The following NRG2 variants were observed in gnomAD, a reference collection of about 807,000 sequenced individuals.
The protein encoded by NRG2 is neuregulin 2.
In NRG2, 27 loss-of-function variants were observed where a neutral mutation model predicts 73.9. The ratio of observed to expected loss-of-function variants is 0.37; its 90% confidence interval spans 0.27 to 0.50. The LOEUF (loss-of-function observed/expected upper bound fraction) is 0.50. Among genes scored for constraint, NRG2 ranks in the 20% least tolerant of loss-of-function variants. NRG2 has a pLI of 0.96. For missense variants in NRG2, 1,126 were observed against 1,210.1 expected (o/e 0.93, Z 1.03); for synonymous variants, 532 against 541.0 (o/e 0.98, Z 0.23).
intron 1 of NRG2, among the ~76,000 whole-genome samples, chr5:139,974,458 CA>C (rs941731348): frequency 6.6e-6 from 1 of 152,192 alleles, no homozygotes; most frequent in African/African-American, 2.4e-5. Context: ...GTCTGGCAAA[CA>C]GGGGAGCTTG....
chr5:139,968,090 A>C (rs1755684936), intron 1 of NRG2, among the ~76,000 whole-genome samples: 1 of 152,188 alleles, frequency 6.6e-6, no homozygotes, highest in African/African-American at 2.4e-5. Flanking sequence ...GCTGACCCCC[A>C]AGGCCTCTGA....
At chr5:139,884,068 T>C (rs777576840) in intron 2 of NRG2, among the ~76,000 whole-genome samples, 3 of 152,146 alleles carry the variant, frequency 2.0e-5, no homozygotes, top group Non-Finnish European at 2.9e-5. Context: ...GGAGGGCTAG[T>C]CCTGCAAGAT....
chr5:140,015,245 G>A (rs942515436), intron 1 of NRG2, among the ~76,000 whole-genome samples: 1 of 152,024 alleles, frequency 6.6e-6, no homozygotes, highest in African/African-American at 2.4e-5. Context: ...CTACCAGAAA[G>A]TAAATTCCAT....
At position 139,855,708 on chromosome 5, in the gene NRG2, G is replaced by A. The variant is rs1761762613; in HGVS notation, c.1260C>T (p.Gly420=). ...TGICVALLVV[G]IVCVVAYCKT... ...TGCAGTAGGCCACCACACAGACGATGCCCACGACCAGCAGAGCCACGCAGA... is the reference window on the plus strand; with the variant it reads ...TGCAGTAGGCCACCACACAGACGATACCCACGACCAGCAGAGCCACGCAGA... Residue 420 remains glycine, a synonymous_variant, in exon 6 of 10, where the codon GGC becomes GGT. Coordinates refer to ENST00000361474, the MANE Select transcript of NRG2 (RefSeq NM_004883.3). 1.2e-6 allele frequency: 2 copies of A among 1,614,084 alleles called. No individual in the cohort carries two copies. The highest frequency in any genetic ancestry group is 8.5e-7 in the Non-Finnish European group (1 of 1,179,990).
chr5:139,867,915 G>T (rs1489090423), intron 4 of NRG2, among the ~76,000 whole-genome samples: 1 of 148,336 alleles, frequency 6.7e-6, no homozygotes, highest in Non-Finnish European at 1.5e-5. Flanking sequence ...GACAAGCAGG[G>T]CTGCTGTCCC....
rs999456280 is a variant in NRG2, at chr5:139,954,460, C to T, written c.701-66949G>A. Among the ~76,000 whole-genome samples the T allele has an allele frequency of 6.6e-6, 1 of 152,216 alleles. No homozygotes were observed. The highest frequency in any genetic ancestry group is 2.4e-5 in the African/African-American group (1 of 41,452). On this transcript the variant is annotated intron_variant, in intron 1 of 9. Coordinates refer to ENST00000361474, the MANE Select transcript of NRG2 (RefSeq NM_004883.3). The surrounding 1 kb of genome is among the most constrained non-coding windows in gnomAD (Gnocchi z 5.0). ...CCTGTTTTCTCCCTTCCAATTCATCCATCACACCATGGCCAAATTCATCCC... is the reference window on the plus strand; with the variant it reads ...CCTGTTTTCTCCCTTCCAATTCATCTATCACACCATGGCCAAATTCATCCC...
At chr5:140,021,380 T>C (rs1760209740) in intron 1 of NRG2, among the ~76,000 whole-genome samples, 1 of 152,196 alleles carries the variant, frequency 6.6e-6, no homozygotes, top group Non-Finnish European at 1.5e-5. Context: ...ATTCCATAAG[T>C]AATGCCTGAC....
chr5:139,867,337 T>A (rs1314694581), intron 4 of NRG2, among the ~76,000 whole-genome samples: 1 of 150,976 alleles, frequency 6.6e-6, no homozygotes, highest in Non-Finnish European at 1.5e-5. Context: ...GCCTGGCTAA[T>A]TGGGGGGTGG....
chr5:139,957,338 TGTGTG>T (rs1754711630), intron 1 of NRG2, among the ~76,000 whole-genome samples: 1 of 151,916 alleles, frequency 6.6e-6, no homozygotes, highest in Non-Finnish European at 1.5e-5. Flanking sequence ...TGTGTGTGTG[TGTGTG>T]TGTGTGTGTG....
chr5:139,912,849 C>T (rs1750938249), intron 1 of NRG2, among the ~76,000 whole-genome samples: 1 of 152,226 alleles, frequency 6.6e-6, no homozygotes, highest in Non-Finnish European at 1.5e-5. Flanking sequence ...CGTGTACTTA[C>T]CTGTGAACCA....
intron 1 of NRG2, among the ~76,000 whole-genome samples, chr5:139,971,324 C>A (rs1328591656): frequency 1.3e-5 from 2 of 152,170 alleles, no homozygotes; most frequent in African/African-American, 4.8e-5. Flanking sequence ...TCCTGGCATC[C>A]AAACAGCTGG....
chr5:139,984,896 T>C (rs1241703343), intron 1 of NRG2, among the ~76,000 whole-genome samples: 1 of 152,142 alleles, frequency 6.6e-6, no homozygotes, highest in Non-Finnish European at 1.5e-5. Flanking sequence ...CTATTCCTTA[T>C]TCATGGTTTA....
intron 1 of NRG2, among the ~76,000 whole-genome samples, chr5:139,970,954 T>C (rs908566913): frequency 7.2e-5 from 11 of 152,182 alleles, no homozygotes; most frequent in African/African-American, 2.7e-4. Flanking sequence ...TTTCTTTTTT[T>C]TTTATTTTTT....
At position 139,847,654 on chromosome 5, in the gene NRG2, T is replaced by G. The variant is rs181167397; in HGVS notation, c.*263A>C. ...AAAATTGGCCCATCTCTCTTTTTTT[T>G]TTGTTGTTTCTTTTTTTTTTCCGAA... is the stretch of plus-strand genomic sequence containing the variant. On this transcript the variant is annotated 3_prime_UTR_variant, in exon 10 of 10. Transcript: ENST00000361474. The G allele has an allele frequency of 5.0e-3, 1,538 of 309,892 alleles. 13 individuals are homozygous for G. The highest frequency in any genetic ancestry group is 5.0e-3 in the Non-Finnish European group (855 of 172,406). 19.2% of individuals were successfully genotyped at this position (309,892 alleles called of 1,614,324 possible).
At chr5:139,931,977 A>C (rs1199422212) in intron 1 of NRG2, among the ~76,000 whole-genome samples, 1 of 152,260 alleles carries the variant, frequency 6.6e-6, no homozygotes, top group Admixed American at 6.5e-5. Context: ...ACCATTGTAC[A>C]AAGCTAGTGG....
chr5:139,852,765 A>ATC lies in NRG2; in HGVS notation c.1416+137_1416+138dup. On this transcript the variant is annotated intron_variant, in intron 7 of 9. Transcript: ENST00000361474. The surrounding 1 kb of genome is among the most constrained non-coding windows in gnomAD (Gnocchi z 4.4). ...GGAAGTGAGCAAACCAAGGCCAGCC[A>ATC]TCCTGGTGAGGCAGTGCCTAGCAGG... 4.7e-6 allele frequency: 7 copies of ATC among 1,478,178 alleles called. No individual in the cohort carries two copies. The highest frequency in any genetic ancestry group is 5.5e-6 in the Non-Finnish European group (6 of 1,088,938). 91.6% of individuals were successfully genotyped at this position (1,478,178 alleles called of 1,614,324 possible). A position where few individuals can be genotyped will look rare whatever the true frequency, so the allele number is the denominator to read the frequency against.
intron 1 of NRG2, among the ~76,000 whole-genome samples, chr5:140,005,865 A>C (rs924920108): frequency 1.3e-5 from 2 of 152,136 alleles, no homozygotes; most frequent in African/African-American, 4.8e-5. Context: ...GGGTGCAGGG[A>C]GGGATGCACT....
At chr5:139,943,042 T>C (rs983708932) in intron 1 of NRG2, among the ~76,000 whole-genome samples, 1 of 152,204 alleles carries the variant, frequency 6.6e-6, no homozygotes, top group Non-Finnish European at 1.5e-5. Flanking sequence ...GGCTTCACCA[T>C]GTTGGCCAGG....
chr5:140,006,199 A>G (rs1215749850), intron 1 of NRG2, among the ~76,000 whole-genome samples: 1 of 152,198 alleles, frequency 6.6e-6, no homozygotes, highest in Non-Finnish European at 1.5e-5. Context: ...CCCAGCTGTA[A>G]CATGAAAGCA....
Sources: allele counts gnomAD v4.1 joint callset (sites outside exome capture counted in the v4.1 genomes callset), GRCh38; gene constraint gnomAD v4.1.1; non-coding constraint Gnocchi (gnomAD v3.1); transcripts MANE v1.5; gene names NCBI Gene and HGNC (gene_info 2026-07-23, HGNC 2026-07-21).